Variants in KYNU observed in about 807,000 individuals in gnomAD.
The protein encoded by KYNU is kynureninase, also known as L-kynurenine hydrolase.
A neutral mutation model predicts 59.2 loss-of-function variants in KYNU; 54 were observed. The observed-to-expected ratio is 0.91, with a 90% CI of 0.73 to 1.14. KYNU has a LOEUF of 1.14. KYNU is among the 50% of genes most tolerant of loss of function. KYNU has a pLI of 0.00. For synonymous variants in KYNU, 177 were observed against 192.0 expected (o/e 0.92, Z 0.65); for missense variants, 567 against 554.4 (o/e 1.02, Z -0.23).
chr2:142,952,403 T>TTTTG (rs573911297), intron 4 of KYNU, among the ~76,000 whole-genome samples: 3 of 152,028 alleles, frequency 2.0e-5, no homozygotes, highest in African/African-American at 4.8e-5. Context: ...TTTTATTTGT[T>TTTTG]TTTGTTTGTT....
At chr2:142,961,622 GAA>G (rs1196316258) in intron 8 of KYNU, among the ~76,000 whole-genome samples, 1 of 151,998 alleles carries the variant, frequency 6.6e-6, no homozygotes, top group East Asian at 1.9e-4. Context: ...TAAGACTCTT[GAA>G]AATTTTTTAT....
intron 4 of KYNU, among the ~76,000 whole-genome samples, chr2:142,946,727 A>T (rs531429479): frequency 2.2e-4 from 33 of 152,300 alleles, no homozygotes; most frequent in African/African-American, 7.9e-4. Flanking sequence ...ATTGGCCTAA[A>T]CTTAAAGTCA....
At chr2:143,026,283 G>T (rs1300462485) in intron 10 of KYNU, among the ~76,000 whole-genome samples, 1 of 152,132 alleles carries the variant, frequency 6.6e-6, no homozygotes, top group Non-Finnish European at 1.5e-5. Flanking sequence ...ATATGCAAAG[G>T]TGTAATTTGT....
At chr2:142,881,673 C>T (rs557468712) in intron 1 of KYNU, among the ~76,000 whole-genome samples, 1 of 152,292 alleles carries the variant, frequency 6.6e-6, no homozygotes, top group South Asian at 2.1e-4. Flanking sequence ...CTAAGTTATA[C>T]ACTCAAATAT....
At position 143,050,005 on chromosome 2, in the gene KYNU, A is replaced by T. The variant is rs1358538618; in HGVS notation, c.*7833A>T. ...CAATCACATAAGTAGGATTTACCTG[A>T]ATATATATATAATATATAAACATAT... is the stretch of plus-strand genomic sequence containing the variant. On this transcript the variant is annotated 3_prime_UTR_variant, in exon 14 of 14. Coordinates refer to ENST00000264170, the MANE Select transcript of KYNU (RefSeq NM_003937.3). The T allele has an allele frequency of 6.7e-6, 1 of 148,356 alleles. No homozygotes were observed. The highest frequency in any genetic ancestry group is 1.5e-5 in the Non-Finnish European group (1 of 67,238). The allele number at this position is 148,356 out of a possible 1,614,324, so 9.2% of individuals were successfully genotyped here.
intron 8 of KYNU, 49 bp from the exon 9 acceptor site, chr2:142,985,034 AT>A: frequency 9.6e-7 from 1 of 1,042,324 alleles, no homozygotes; most frequent in Non-Finnish European, 1.5e-6. Flanking sequence ...TGTACTTATT[AT>A]TTCTAATCAT....
rs573521027 is a variant in KYNU at position 142,954,361 on chromosome 2, A to G, written c.374-449A>G. 3.3e-5 allele frequency among the ~76,000 whole-genome samples: 5 copies of G among 152,210 alleles called. 1 individual carries two copies. The East Asian group carries it at 9.6e-4, about 29-fold the overall frequency. Reference sequence around the variant, plus strand: ...CTGTAATAACAGTGAGTTATGATTCACAAAGTTTGCCTCCTTTTATAAAAG... The same window carrying G: ...CTGTAATAACAGTGAGTTATGATTCGCAAAGTTTGCCTCCTTTTATAAAAG... On this transcript the variant is annotated intron_variant, in intron 4 of 13. Coordinates refer to ENST00000264170, the MANE Select transcript of KYNU (RefSeq NM_003937.3).
intron 1 of KYNU, among the ~76,000 whole-genome samples, chr2:142,879,107 C>G (rs988430706): frequency 1.3e-5 from 2 of 152,156 alleles, no homozygotes; most frequent in African/African-American, 4.8e-5. Context: ...TATTTGCAAA[C>G]TAAACATGGC....
At chr2:142,981,692 C>A (rs1685056815) in intron 8 of KYNU, among the ~76,000 whole-genome samples, 1 of 152,048 alleles carries the variant, frequency 6.6e-6, no homozygotes. Flanking sequence ...TCCCTTCCTC[C>A]CTCAAAATAC....
At chr2:142,919,902 T>C (rs1460991989) in intron 3 of KYNU, among the ~76,000 whole-genome samples, 1 of 152,090 alleles carries the variant, frequency 6.6e-6, no homozygotes, top group Non-Finnish European at 1.5e-5. Context: ...TGAAACCTCG[T>C]CTCTACTAAA....
At chr2:142,951,761 G>A (rs1229250222) in intron 4 of KYNU, among the ~76,000 whole-genome samples, 1 of 152,226 alleles carries the variant, frequency 6.6e-6, no homozygotes, top group African/African-American at 2.4e-5. Context: ...GATGAAGATT[G>A]CATTTTGTGA....
At chr2:143,022,060 C>T (rs1686425283) in intron 10 of KYNU, among the ~76,000 whole-genome samples, 1 of 152,100 alleles carries the variant, frequency 6.6e-6, no homozygotes, top group African/African-American at 2.4e-5. Context: ...AATTATGTAA[C>T]TTGAAAGTAC....
At chr2:142,979,712 C>T (rs1684998256) in intron 8 of KYNU, among the ~76,000 whole-genome samples, 1 of 151,956 alleles carries the variant, frequency 6.6e-6, no homozygotes, top group African/African-American at 2.4e-5. Context: ...CGCTGGGAGG[C>T]CGAGGCATAA....
At chr2:142,907,608 C>A (rs1400575717) in intron 2 of KYNU, among the ~76,000 whole-genome samples, 1 of 152,178 alleles carries the variant, frequency 6.6e-6, no homozygotes. Flanking sequence ...AAACAGAGCT[C>A]CCATACAATG....
chr2:142,904,441 C>T (rs993032796), intron 2 of KYNU, among the ~76,000 whole-genome samples: 5 of 152,150 alleles, frequency 3.3e-5, no homozygotes, highest in Non-Finnish European at 7.4e-5. Flanking sequence ...GACTGAGATA[C>T]CAGAGATCAC....
intron 3 of KYNU, 78 bp downstream of exon 3, chr2:142,918,807 G>T: frequency 6.8e-7 from 1 of 1,467,082 alleles, no homozygotes; most frequent in Admixed American, 1.7e-5. Flanking sequence ...TCTAATATTT[G>T]GAAAGATGTG....
intron 10 of KYNU, among the ~76,000 whole-genome samples, chr2:142,993,166 C>G (rs1431322568): frequency 6.6e-6 from 1 of 151,906 alleles, no homozygotes; most frequent in African/African-American, 2.4e-5. Context: ...GAGAGAGATT[C>G]ATTTCAGAAG....
intron 3 of KYNU, among the ~76,000 whole-genome samples, chr2:142,919,992 A>G (rs1682820358): frequency 6.6e-6 from 1 of 152,172 alleles, no homozygotes. Context: ...GAATTGCTTG[A>G]ACCCGGGAGG....
intron 4 of KYNU, among the ~76,000 whole-genome samples, chr2:142,932,210 A>G (rs1683243729): frequency 6.6e-6 from 1 of 152,174 alleles, no homozygotes. Flanking sequence ...GAGGTTTGTA[A>G]CCGACATGGA....
Sources: allele counts gnomAD v4.1 joint callset (sites outside exome capture counted in the v4.1 genomes callset), GRCh38; gene constraint gnomAD v4.1.1; transcripts MANE v1.5; gene names NCBI Gene and HGNC (gene_info 2026-07-23, HGNC 2026-07-21).